The following MZF1 variants were observed in gnomAD, a reference collection of about 807,000 sequenced individuals.
MZF1 encodes zinc finger and SCAN domain-containing protein 6.
A neutral mutation model predicts 28.6 loss-of-function variants in MZF1; 24 were observed. The ratio of observed to expected loss-of-function variants is 0.84; its 90% confidence interval spans 0.61 to 1.18. The LOEUF is 1.18. Among genes scored for constraint, MZF1 ranks in the 50% most tolerant of loss-of-function variants. The probability of loss-of-function intolerance (pLI) is 0.00; values close to 1 mark genes in which losing one functional copy is unlikely to be tolerated. For missense variants in MZF1, 1,166 were observed against 1,026.4 expected (o/e 1.14, Z -1.86); for synonymous variants, 516 against 432.5 (o/e 1.19, Z -2.40).
chr19:58,564,900 G>GTTTTTTTTT lies in MZF1; in HGVS notation c.773-1397_773-1396insAAAAAAAAA, dbSNP rs1253286923. ...GGGTGGAGAATAAGCATCCATGTGT[G>GTTTTTTTTT]TGTTTTTTTTTTTTTTTTTTTTTTT... On this transcript the variant is annotated intron_variant, in intron 5 of 5. Coordinates refer to ENST00000215057, the MANE Select transcript of MZF1 (RefSeq NM_198055.2). Among the ~76,000 whole-genome samples, 27 of 69,382 alleles carry GTTTTTTTTT rather than the reference G, an allele frequency of 3.9e-4. 1 individual carries two copies. The highest frequency in any genetic ancestry group is 1.8e-3 in the African/African-American group (25 of 13,858). 45.5% of individuals were successfully genotyped at this position (69,382 alleles called of 152,430 possible).
rs572197626 is a variant in MZF1, at chr19:58,564,927, T to G, written c.773-1423A>C. 5.2e-3 allele frequency among the ~76,000 whole-genome samples: 677 copies of G among 130,540 alleles called. 14 individuals are homozygous for G. Among genetic ancestry groups the G allele is most frequent in the African/African-American group, 0.019 (638 of 32,786 alleles). 85.6% of individuals were successfully genotyped at this position (130,540 alleles called of 152,430 possible). On this transcript the variant is annotated intron_variant, in intron 5 of 5. Coordinates refer to ENST00000215057, the MANE Select transcript of MZF1 (RefSeq NM_198055.2). ...GTTTTTTTTTTTTTTTTTTTTTTTT[T>G]TTTTTTTTTTTGAGACTGAGTCTTG...
At chr19:58,569,135 C>T (rs1568683899) in intron 5 of MZF1, 142 bp downstream of exon 5, 1 of 1,188,962 alleles carries the variant, frequency 8.4e-7, no homozygotes. Context: ...GAGGTTGAAC[C>T]TTATAGGGGA....
At position 58,571,195 on chromosome 19, in the gene MZF1, G is replaced by A; in HGVS notation, c.195C>T (p.Leu65=). Residue 65 remains leucine (L), a synonymous_variant, in exon 2 of 6, where the codon CTC becomes CTT. Transcript: ENST00000215057. ...GCAGCCACTGGCGACACAGCTCTCG[G>A]AGCTGGGCCAGGGCCTCTTGGGGCC... is the stretch of plus-strand genomic sequence containing the variant. ...ATGPQEALAQ[L]RELCRQWLRP... is the part of the protein sequence containing the mutation. 1 of 1,613,364 alleles carries A rather than the reference G, an allele frequency of 6.2e-7. No homozygotes were observed. Among genetic ancestry groups the A allele is most frequent in the Non-Finnish European group, 8.5e-7 (1 of 1,179,670 alleles).
Position 58,562,882 on chromosome 19 carries a change from G to A in MZF1, c.1395C>T (p.Pro465=), listed in dbSNP as rs987239349. The change falls in exon 6 of 6, where the codon CCC becomes CCT. Residue 465 remains proline, a synonymous_variant. Coordinates refer to ENST00000215057, the MANE Select transcript of MZF1 (RefSeq NM_198055.2). ...CCGGGGGCTTAGCGCCAGGGCCCGGGGGATCGCCGTGGATGCGCTGGTGCT... is the reference window on the plus strand; with the variant it reads ...CCGGGGGCTTAGCGCCAGGGCCCGGAGGATCGCCGTGGATGCGCTGGTGCT... ...LLQHQRIHGD[P]PGPGAKPPAP... 1.1e-5 allele frequency: 17 copies of A among 1,554,562 alleles called. No homozygotes were observed. The highest frequency in any genetic ancestry group is 2.8e-5 in the African/African-American group (2 of 71,978).
rs755736289 is a variant in MZF1 at position 58,562,271 on chromosome 19, G to C, written c.2006C>G (p.Thr669Ser). Residue 669 changes from threonine (T) to serine (S), a missense_variant, in exon 6 of 6, where the codon ACC (threonine) becomes AGC (serine). Thr to Ser is a moderately conservative substitution (Grantham distance 58, BLOSUM62 1). Transcript: ENST00000215057. ...GQSFRQHANL[T>S]QHRRIHTGER... ...ACCCGTGTGGATGCGCCGGTGCTGG[G>C]TGAGGTTGGCGTGCTGCCGAAAGCT... 1 of 1,605,624 alleles carries C rather than the reference G, an allele frequency of 6.2e-7. No individual in the cohort carries two copies. Among genetic ancestry groups the C allele is most frequent in the Non-Finnish European group, 8.5e-7 (1 of 1,177,174 alleles).
At position 58,562,972 on chromosome 19, in the gene MZF1, C is replaced by G. The variant is rs775905193; in HGVS notation, c.1305G>C (p.Thr435=). Residue 435 remains threonine, a synonymous_variant, in exon 6 of 6, where the codon ACG becomes ACC. Transcript: ENST00000215057. ...CAGCGCAACGGAAAGGCTGTTCGCC[C>G]GTGTGCACTCTCCGATGCTCTTCCA... is the stretch of plus-strand genomic sequence containing the variant. ...ARLEEHRRVH[T]GEQPFRCAEC... is the part of the protein sequence containing the mutation. The G allele has an allele frequency of 3.1e-6, 5 of 1,601,780 alleles. No homozygotes were observed. In the South Asian group the frequency reaches 4.4e-5, roughly 14 times the overall value.
At chr19:58,564,959 C>T (rs541175500) in intron 5 of MZF1, among the ~76,000 whole-genome samples, 8 of 110,028 alleles carry the variant, frequency 7.3e-5, no homozygotes, top group South Asian at 6.6e-4. Context: ...CTTGCTGTGT[C>T]GCCCAGGCTG....
intron 2 of MZF1, 122 bp downstream of exon 2, chr19:58,570,872 G>T: frequency 9.1e-7 from 1 of 1,100,376 alleles, no homozygotes; most frequent in Non-Finnish European, 1.3e-6. Context: ...GGTCTCTGTT[G>T]CAGGTGGCCA....
intron 1 of MZF1, among the ~76,000 whole-genome samples, chr19:58,572,114 C>T (rs903852524): frequency 6.6e-5 from 10 of 152,146 alleles, no homozygotes; most frequent in African/African-American, 2.4e-4. Flanking sequence ...GCCTGGGCAT[C>T]AGCATCACTG....
rs766749115 is a variant in MZF1, at chr19:58,562,735, G to A, written c.1542C>T (p.Gly514=). The change falls in exon 6 of 6, where the codon GGC becomes GGT. Residue 514 remains glycine (G), a synonymous_variant. Transcript: ENST00000215057. ...CGAAGCGCTCGCCGCACTCGACGCA[G>A]CCAAAGGACTTGTCGCCCGTGTGTA... ...QAVHTGDKSF[G]CVECGERFGR... The A allele has an allele frequency of 7.8e-6, 12 of 1,535,960 alleles. No individual in the cohort carries two copies. The East Asian group carries it at 2.7e-4, about 34-fold the overall frequency.
chr19:58,567,653 T>A (rs985668979), intron 5 of MZF1, among the ~76,000 whole-genome samples: 1 of 152,174 alleles, frequency 6.6e-6, no homozygotes, highest in Non-Finnish European at 1.5e-5. Flanking sequence ...CTCAAGCTGC[T>A]TGCTCACATA....
chr19:58,567,200 G>A (rs547124152), intron 5 of MZF1, among the ~76,000 whole-genome samples: 3 of 152,306 alleles, frequency 2.0e-5, no homozygotes, highest in African/African-American at 7.2e-5. Flanking sequence ...GAGCGGCTGC[G>A]CCTGGCTAAG....
intron 3 of MZF1, chr19:58,569,805 C>G: frequency 1.9e-6 from 1 of 538,880 alleles, no homozygotes. Context: ...ATGAGATGGG[C>G]TGAGGTTTGT....
chr19:58,563,055 C>G lies in MZF1; in HGVS notation c.1222G>C (p.Glu408Gln), dbSNP rs1385418926. The change falls in exon 6 of 6, where the codon GAG (glutamate) becomes CAG (glutamine). Residue 408 changes from glutamate (E) to glutamine (Q), a missense_variant. By Grantham distance (29) the Glu-to-Gln change is conservative. Transcript: ENST00000215057. ...HLLRHQLTHT[E>Q]ERPFVCGDCG... ...TCGCCGCACACGAACGGCCGCTCCT[C>G]GGTGTGCGTAAGCTGGTGGCGCAGC... is the stretch of plus-strand genomic sequence containing the variant. 1.3e-5 allele frequency: 21 copies of G among 1,602,870 alleles called. No individual in the cohort carries two copies. The highest frequency in any genetic ancestry group is 1.7e-5 in the Non-Finnish European group (20 of 1,179,568).
rs1412056428 is a variant in MZF1 at position 58,562,656 on chromosome 19, A to C, written c.1621T>G (p.Phe541Val). Residue 541 changes from phenylalanine (F) to valine (V), a missense_variant, in exon 6 of 6, where the codon TTC (phenylalanine) becomes GTC (valine). Transcript: ENST00000215057. The part of the protein sequence containing the change: ...HRRVHSGERP[F>V]ACAECGQSFR... ...CTCTGGCCGCACTCGGCACAGGCGA[A>C]GGGCCGCTCGCCACTGTGCACGCGC... is the stretch of plus-strand genomic sequence containing the variant. 6.5e-7 allele frequency: 1 copy of C among 1,546,640 alleles called. No homozygotes were observed.
chr19:58,562,416 C>T lies in MZF1; in HGVS notation c.1861G>A (p.Gly621Ser), dbSNP rs539910022. The T allele has an allele frequency of 1.2e-6, 2 of 1,609,930 alleles. No homozygotes were observed. Among genetic ancestry groups the T allele is most frequent in the East Asian group, 2.2e-5 (1 of 44,732 alleles). The change falls in exon 6 of 6, where the codon GGC becomes AGC. Residue 621 changes from glycine to serine, a missense_variant. Coordinates refer to ENST00000215057, the MANE Select transcript of MZF1 (RefSeq NM_198055.2). ...TCACCGCAGTGGTAGGGCTTTTCGC[C>T]GGTGTGTGTCCTCTGATGACGCGTG... The part of the protein sequence containing the change: ...KLTRHQRTHT[G>S]EKPYHCGECG...
At chr19:58,567,340 C>T (rs1190698385) in intron 5 of MZF1, among the ~76,000 whole-genome samples, 1 of 152,262 alleles carries the variant, frequency 6.6e-6, no homozygotes, top group Non-Finnish European at 1.5e-5. Flanking sequence ...GCTGTGGGCT[C>T]TGTCTGCACA....
In MZF1 at chr19:58,571,118, T is replaced by C. The variant is rs1404823033; in HGVS notation, c.272A>G (p.Gln91Arg). ...CTCAGGGGGCAGTGCGCCCAGGAAC[T>C]GCTCCAGCACCAACAGCTCCAGCAT... ...EQMLELLVLEQFLGALPPEIQ... is the reference protein window; with the variant it reads ...EQMLELLVLERFLGALPPEIQ... The change falls in exon 2 of 6, where the codon CAG becomes CGG. Residue 91 changes from glutamine (Q) to arginine (R), a missense_variant. Transcript: ENST00000215057. The C allele has an allele frequency of 6.2e-7, 1 of 1,614,062 alleles. No homozygotes were observed.
Position 58,565,244 on chromosome 19 carries a change from A to G in MZF1, c.773-1740T>C, listed in dbSNP as rs551507875. ...CGAGTAGCTGGGATTACAGGCATGC[A>G]CCACCACACCCGGCTAATTTTGTAT... On this transcript the variant is annotated intron_variant, in intron 5 of 5. Transcript: ENST00000215057. 4.3e-3 allele frequency among the ~76,000 whole-genome samples: 657 copies of G among 151,414 alleles called. 4 individuals are homozygous for G. The highest frequency in any genetic ancestry group is 6.9e-3 in the Middle Eastern group (2 of 290).
Sources: gnomAD v4.1 joint callset for allele counts (sites outside exome capture counted in the v4.1 genomes callset) on GRCh38, gnomAD v4.1.1 for gene constraint, MANE v1.5 for transcripts, NCBI Gene and HGNC (gene_info 2026-07-23, HGNC 2026-07-21) for gene names.